Variants in TJP1 observed in about 807,000 individuals in gnomAD.
The protein encoded by TJP1 is tight junction protein ZO-1.
Under a neutral mutation model 194.2 loss-of-function variants are expected in TJP1, and 43 were observed. The observed-to-expected ratio is 0.22, with a 90% CI of 0.17 to 0.29. TJP1 has a LOEUF of 0.29. Among genes scored for constraint, TJP1 ranks in the 10% least tolerant of loss-of-function variants. The probability of loss-of-function intolerance (pLI) is 1.00; values close to 1 mark genes in which losing one functional copy is unlikely to be tolerated. For synonymous variants in TJP1, 801 were observed against 779.0 expected (o/e 1.03, Z -0.47); for missense variants, 1,971 against 2,185.7 (o/e 0.90, Z 1.96).
intron 2 of TJP1, among the ~76,000 whole-genome samples, chr15:29,779,271 G>T (rs773914338): frequency 6.6e-6 from 1 of 152,138 alleles, no homozygotes; most frequent in Non-Finnish European, 1.5e-5. Context: ...TCAGATCATG[G>T]TGATACTGCC....
chr15:29,757,419 A>G (rs1005738669), intron 8 of TJP1, among the ~76,000 whole-genome samples: 2 of 152,172 alleles, frequency 1.3e-5, no homozygotes, highest in African/African-American at 4.8e-5. Flanking sequence ...ACACTTATAC[A>G]GCCAAAATTA....
intron 2 of TJP1, among the ~76,000 whole-genome samples, chr15:29,949,644 C>CTTT (rs1469612939): frequency 6.7e-5 from 8 of 118,718 alleles, no homozygotes; most frequent in Admixed American, 9.8e-5. Context: ...ACCACCTCCA[C>CTTT]CACCACCACC....
chr15:29,806,904 C>T (rs1159548851), intron 1 of TJP1, among the ~76,000 whole-genome samples: 1 of 152,008 alleles, frequency 6.6e-6, no homozygotes, highest in Non-Finnish European at 1.5e-5. Flanking sequence ...AAAAAGATCA[C>T]TCTAAAATAA....
intron 2 of TJP1, among the ~76,000 whole-genome samples, chr15:29,859,315 T>C (rs538911864): frequency 6.6e-6 from 1 of 152,344 alleles, no homozygotes; most frequent in South Asian, 2.1e-4. Flanking sequence ...CCAAATTTTC[T>C]ATTATAAGCA....
chr15:29,863,459 AT>A (rs1405204325), intron 2 of TJP1, among the ~76,000 whole-genome samples: 1 of 152,084 alleles, frequency 6.6e-6, no homozygotes, highest in Non-Finnish European at 1.5e-5. Flanking sequence ...CGGCTGGCAG[AT>A]ATGTGTTGTT....
chr15:29,877,836 T>G (rs1818764674), intron 2 of TJP1, among the ~76,000 whole-genome samples: 1 of 151,202 alleles, frequency 6.6e-6, no homozygotes, highest in Non-Finnish European at 1.5e-5. Context: ...CCTGGCTAAT[T>G]TTTTGTATTT....
chr15:29,862,884 G>A (rs1307509450), intron 2 of TJP1, among the ~76,000 whole-genome samples: 3 of 151,250 alleles, frequency 2.0e-5, no homozygotes, highest in Non-Finnish European at 4.4e-5. Flanking sequence ...TCCTGACTTC[G>A]TGATCCGCCC....
intron 2 of TJP1, among the ~76,000 whole-genome samples, chr15:29,868,571 T>C (rs1193287493): frequency 6.6e-6 from 1 of 151,974 alleles, no homozygotes; most frequent in Non-Finnish European, 1.5e-5. Flanking sequence ...TAATGTCAAA[T>C]AAATATTTAT....
In TJP1 at chr15:29,913,478, T is replaced by G. The variant is rs1385901604; in HGVS notation, c.306+42754A>C. 2.6e-5 allele frequency among the ~76,000 whole-genome samples: 4 copies of G among 152,228 alleles called. No homozygotes were observed. In the East Asian group the frequency reaches 7.7e-4, roughly 29 times the overall value. Reference sequence around the variant, plus strand: ...ACACATTTGTACATACACACATCTTTTTCTAGAAGGGGGTCTATGGTTTTC... The same window carrying G: ...ACACATTTGTACATACACACATCTTGTTCTAGAAGGGGGTCTATGGTTTTC... On this transcript the variant is annotated intron_variant, in intron 2 of 28. Coordinates refer to the TJP1 transcript ENST00000356107.
Position 29,709,049 on chromosome 15 carries a change from C to G in TJP1, c.4373-13G>C. ...GACACTGAATTACCTGAAAAACAAACGTAAGCATTTAAATAACTTTCTGAA... is the reference window on the plus strand; with the variant it reads ...GACACTGAATTACCTGAAAAACAAAGGTAAGCATTTAAATAACTTTCTGAA... On this transcript the variant is annotated splice_polypyrimidine_tract_variant and intron_variant, in intron 24 of 27. Coordinates refer to ENST00000614355, the MANE Select transcript of TJP1 (RefSeq NM_001330239.4). The G allele has an allele frequency of 6.3e-7, 1 of 1,594,688 alleles. No homozygotes were observed. Among genetic ancestry groups the G allele is most frequent in the Non-Finnish European group, 8.6e-7 (1 of 1,169,508 alleles).
chr15:29,843,032 G>A (rs919285335), intron 2 of TJP1, among the ~76,000 whole-genome samples: 2 of 152,098 alleles, frequency 1.3e-5, no homozygotes, highest in Admixed American at 1.3e-4. Context: ...ACTCCTGTAT[G>A]AGAAAGTAAA....
At chr15:29,745,096 A>C (rs2044678380) in intron 8 of TJP1, among the ~76,000 whole-genome samples, 1 of 152,134 alleles carries the variant, frequency 6.6e-6, no homozygotes, top group Non-Finnish European at 1.5e-5. Flanking sequence ...CCTAAACAAA[A>C]ACTGAAATAA....
chr15:29,753,387 G>C (rs758433320), intron 8 of TJP1, among the ~76,000 whole-genome samples: 1 of 151,026 alleles, frequency 6.6e-6, no homozygotes, highest in Non-Finnish European at 1.5e-5. Flanking sequence ...AGGAGGCTGA[G>C]GCAGGAGAAT....
chr15:29,786,619 C>T (rs1172780530), intron 2 of TJP1, among the ~76,000 whole-genome samples: 1 of 152,158 alleles, frequency 6.6e-6, no homozygotes, highest in East Asian at 1.9e-4. Flanking sequence ...ATCGCCTCAG[C>T]CTCCTGAAGT....
At chr15:29,782,402 C>T (rs2047421216) in intron 2 of TJP1, among the ~76,000 whole-genome samples, 1 of 152,108 alleles carries the variant, frequency 6.6e-6, no homozygotes, top group Non-Finnish European at 1.5e-5. Context: ...ACACATACGA[C>T]CATCTGATCT....
chr15:29,931,821 A>G (rs971500788), intron 2 of TJP1, among the ~76,000 whole-genome samples: 1 of 152,242 alleles, frequency 6.6e-6, no homozygotes, highest in Non-Finnish European at 1.5e-5. Context: ...CTATAGACAG[A>G]GCAGCCCCAA....
rs752720237 is a variant in TJP1, at chr15:29,734,409, T to A, written c.1408-27A>T. ...TAATAAATAAGATTTCATAAATCAT[T>A]CTTGGCTGTTTAAGAATATGAAAAT... On this transcript the variant is annotated intron_variant, in intron 11 of 27. Coordinates refer to ENST00000614355, the MANE Select transcript of TJP1 (RefSeq NM_001330239.4). 3.3e-6 allele frequency: 5 copies of A among 1,528,378 alleles called. No individual in the cohort carries two copies. In the South Asian group the frequency reaches 5.7e-5, roughly 18 times the overall value. The allele number at this position is 1,528,378 out of a possible 1,614,324, so 94.7% of individuals were successfully genotyped here. A position where few individuals can be genotyped will look rare whatever the true frequency, so the allele number is the denominator to read the frequency against.
intron 8 of TJP1, chr15:29,759,249 C>T (rs1214527915): frequency 6.6e-6 from 1 of 152,206 alleles, no homozygotes. Flanking sequence ...CTTCAGCTAA[C>T]ACCTCTATGC....
At chr15:29,938,289 A>G (rs1416703793) in intron 2 of TJP1, among the ~76,000 whole-genome samples, 2 of 152,246 alleles carry the variant, frequency 1.3e-5, no homozygotes, top group Non-Finnish European at 2.9e-5. Flanking sequence ...TTTAAAAACT[A>G]ATTTATGGTT....
Sources: allele counts gnomAD v4.1 joint callset (sites outside exome capture counted in the v4.1 genomes callset), GRCh38; gene constraint gnomAD v4.1.1; transcripts MANE v1.5; gene names NCBI Gene and HGNC (gene_info 2026-07-23, HGNC 2026-07-21).